ITGA8: variants seen among roughly 807,000 people sequenced by gnomAD.
The protein encoded by ITGA8 is integrin alpha-8.
ITGA8 carries 91 observed loss-of-function variants against 142.3 expected under a neutral mutation model. That is an observed-to-expected ratio of 0.64 (90% confidence interval 0.54 to 0.76). ITGA8 has a LOEUF of 0.76. Ranked by LOEUF, ITGA8 falls within the 30% of genes least tolerant of loss-of-function variation. The pLI is 0.00. For synonymous variants in ITGA8, 505 were observed against 485.2 expected (o/e 1.04, Z -0.54); for missense variants, 1,406 against 1,327.7 (o/e 1.06, Z -0.92).
At chr10:15,589,261 C>T (rs1441123786) in intron 22 of ITGA8, among the ~76,000 whole-genome samples, 2 of 152,098 alleles carry the variant, frequency 1.3e-5, no homozygotes, top group African/African-American at 4.8e-5. Context: ...AACATTCCCT[C>T]TATGCTTTCT....
At chr10:15,543,576 A>T (rs1264833518) in intron 27 of ITGA8, among the ~76,000 whole-genome samples, 1 of 152,192 alleles carries the variant, frequency 6.6e-6, no homozygotes, top group Non-Finnish European at 1.5e-5. Context: ...AACAAAACCA[A>T]TTTAAACCCT....
In ITGA8 at chr10:15,517,153, T is replaced by TC. The variant is rs1423239429; in HGVS notation, c.*4dup. 5.0e-6 allele frequency: 8 copies of TC among 1,607,564 alleles called. No homozygotes were observed. The Admixed American group carries it at 1.3e-4, about 27-fold the overall frequency. On this transcript the variant is annotated 3_prime_UTR_variant, in exon 30 of 30. Coordinates refer to ENST00000378076, the MANE Select transcript of ITGA8 (RefSeq NM_003638.3). Reference sequence around the variant, plus strand: ...TGAGGTCTTTGGTCTTCTTTTTTTTTCTTGTCATGCCTCAGGGGTCTTGTC... The same window carrying TC: ...TGAGGTCTTTGGTCTTCTTTTTTTTTCCTTGTCATGCCTCAGGGGTCTTGTC...
intron 23 of ITGA8, among the ~76,000 whole-genome samples, chr10:15,581,397 T>C (rs1834404748): frequency 6.6e-6 from 1 of 152,226 alleles, no homozygotes; most frequent in Admixed American, 6.5e-5. Context: ...TTGGTCCTTT[T>C]CCAGATTCCA....
At chr10:15,611,474 T>A (rs1196423399) in intron 15 of ITGA8, 1 of 148,012 alleles carries the variant, frequency 6.8e-6, no homozygotes, top group Non-Finnish European at 1.5e-5. Flanking sequence ...ATTCTTTCCA[T>A]AAAACCAAAC....
intron 26 of ITGA8, among the ~76,000 whole-genome samples, chr10:15,553,400 C>G (rs972141760): frequency 9.3e-5 from 14 of 149,870 alleles, no homozygotes; most frequent in African/African-American, 3.2e-4. Context: ...GAGATTTGCT[C>G]ATTATATTTT....
intron 2 of ITGA8, among the ~76,000 whole-genome samples, chr10:15,688,375 A>T (rs1258975778): frequency 6.6e-6 from 1 of 151,306 alleles, no homozygotes; most frequent in East Asian, 1.9e-4. Context: ...GGAGGCTGAG[A>T]TGAGAAAATC....
intron 28 of ITGA8, among the ~76,000 whole-genome samples, chr10:15,529,099 C>T (rs1312076536): frequency 1.3e-5 from 2 of 151,548 alleles, no homozygotes; most frequent in Admixed American, 6.6e-5. Context: ...TTCCCTTCTT[C>T]CTTCCTTTCT....
intron 13 of ITGA8, among the ~76,000 whole-genome samples, chr10:15,624,345 C>T (rs1182533645): frequency 2.0e-5 from 3 of 152,202 alleles, no homozygotes; most frequent in African/African-American, 7.2e-5. Context: ...ATCTTCATTG[C>T]TGAATCTCTG....
intron 22 of ITGA8, among the ~76,000 whole-genome samples, chr10:15,588,077 A>G (rs1396441433): frequency 2.0e-5 from 3 of 152,066 alleles, no homozygotes; most frequent in Non-Finnish European, 2.9e-5. Context: ...CTCTTTTTTC[A>G]TCATCAAACC....
intron 27 of ITGA8, among the ~76,000 whole-genome samples, chr10:15,546,570 G>A (rs1833673025): frequency 6.6e-6 from 1 of 152,124 alleles, no homozygotes; most frequent in African/African-American, 2.4e-5. Context: ...GTAGAGGTCA[G>A]GGGTGCTGCT....
At chr10:15,572,088 A>T in intron 25 of ITGA8, 123 bp downstream of exon 25, 1 of 695,734 alleles carries the variant, frequency 1.4e-6, no homozygotes, top group Non-Finnish European at 2.3e-6. Context: ...AAAAGTTCTG[A>T]TCAATGATCA....
At position 15,681,844 on chromosome 10, in the gene ITGA8, G is replaced by A. The variant is rs1253167200; in HGVS notation, c.568+2160C>T. On this transcript the variant is annotated intron_variant, in intron 4 of 29. Transcript: ENST00000378076. ...GGCAAATCATGGAGTATAGGATATGGACAGGTGTAAATATTGATGAAAAGT... is the reference window on the plus strand; with the variant it reads ...GGCAAATCATGGAGTATAGGATATGAACAGGTGTAAATATTGATGAAAAGT... Among the ~76,000 whole-genome samples the A allele has an allele frequency of 2.0e-5, 3 of 152,170 alleles. No homozygotes were observed. In the East Asian group the frequency reaches 5.8e-4, roughly 29 times the overall value.
At chr10:15,664,136 C>T (rs1231317437) in intron 8 of ITGA8, among the ~76,000 whole-genome samples, 3 of 152,140 alleles carry the variant, frequency 2.0e-5, no homozygotes, top group Non-Finnish European at 4.4e-5. Context: ...ACTATTAGCT[C>T]ATCATCCTTA....
At chr10:15,620,987 G>GTAGT (rs1393082701) in intron 13 of ITGA8, among the ~76,000 whole-genome samples, 1 of 152,146 alleles carries the variant, frequency 6.6e-6, no homozygotes, top group African/African-American at 2.4e-5. Flanking sequence ...TAGAGACAAA[G>GTAGT]TAGTTTCAGG....
intron 23 of ITGA8, among the ~76,000 whole-genome samples, chr10:15,584,772 G>A (rs1832793800): frequency 6.6e-6 from 1 of 152,100 alleles, no homozygotes; most frequent in African/African-American, 2.4e-5. Context: ...GTATATTTTG[G>A]CCGAGCATGG....
At chr10:15,545,809 T>G (rs976801829) in intron 27 of ITGA8, among the ~76,000 whole-genome samples, 2 of 152,248 alleles carry the variant, frequency 1.3e-5, no homozygotes, top group African/African-American at 4.8e-5. Context: ...AGTATTGCTT[T>G]GTTAGAGTAT....
intron 4 of ITGA8, among the ~76,000 whole-genome samples, chr10:15,682,323 T>A (rs189994592): frequency 6.2e-4 from 95 of 152,318 alleles, no homozygotes; most frequent in African/African-American, 2.2e-3. Flanking sequence ...AGAGTTAGTT[T>A]ACTGCTCAAT....
chr10:15,699,054 G>A (rs1484210504), intron 2 of ITGA8, among the ~76,000 whole-genome samples: 1 of 152,158 alleles, frequency 6.6e-6, no homozygotes, highest in East Asian at 1.9e-4. Context: ...GGGAGTCCAG[G>A]AGGCAGATCA....
At chr10:15,589,764 ATTT>A (rs5783452) in intron 22 of ITGA8, among the ~76,000 whole-genome samples, 8 of 137,612 alleles carry the variant, frequency 5.8e-5, no homozygotes, top group African/African-American at 1.6e-4. Context: ...CAAACGCTGT[ATTT>A]TTTTTTTTTT....
Sources: allele counts gnomAD v4.1 joint callset (sites outside exome capture counted in the v4.1 genomes callset), GRCh38; gene constraint gnomAD v4.1.1; transcripts MANE v1.5; gene names NCBI Gene and HGNC (gene_info 2026-07-23, HGNC 2026-07-21).